CCSER1: variants seen among roughly 807,000 people sequenced by gnomAD.
CCSER1 encodes serine-rich coiled-coil domain-containing protein 1.
In CCSER1, 41 loss-of-function variants were observed where a neutral mutation model predicts 82.0. The observed-to-expected ratio is 0.50, with a 90% CI of 0.39 to 0.65. The LOEUF (loss-of-function observed/expected upper bound fraction) is 0.65, where lower values mean the gene tolerates loss of function less well. CCSER1 is among the 30% of genes least tolerant of loss of function. CCSER1 has a pLI of 0.00. For synonymous variants in CCSER1, 414 were observed against 383.9 expected (o/e 1.08, Z -0.92); for missense variants, 1,119 against 1,064.2 (o/e 1.05, Z -0.72).
rs117192361 is a variant in CCSER1, at chr4:90,312,477, C to T, written c.1325-386C>T. On this transcript the variant is annotated intron_variant, in intron 2 of 10. Coordinates refer to ENST00000509176, the MANE Select transcript of CCSER1 (RefSeq NM_001145065.2). ...ACTATGTGGAATGTAGATTGTGTTG[C>T]GGGTGGAGAGGCAGATGAGAGTAGG... 1.1e-3 allele frequency among the ~76,000 whole-genome samples: 160 copies of T among 152,000 alleles called. 3 individuals carry two copies. In the East Asian group the frequency reaches 0.027, roughly 26 times the overall value.
chr4:91,423,269 A>G (rs1753782454), intron 10 of CCSER1, among the ~76,000 whole-genome samples: 1 of 151,868 alleles, frequency 6.6e-6, no homozygotes, highest in Non-Finnish European at 1.5e-5. Flanking sequence ...CTACTTAAAA[A>G]AAAAAAAAAA....
At chr4:91,464,604 A>G (rs113059141) in intron 10 of CCSER1, among the ~76,000 whole-genome samples, 1,555 of 152,294 alleles carry the variant, frequency 0.01, 11 homozygotes, top group Middle Eastern at 0.02. Flanking sequence ...GTATTCAGGA[A>G]ATCCATCTCA....
At chr4:90,571,353 G>A (rs982331118) in intron 5 of CCSER1, among the ~76,000 whole-genome samples, 6 of 152,172 alleles carry the variant, frequency 3.9e-5, no homozygotes, top group Admixed American at 1.3e-4. Context: ...TGGTGGATTT[G>A]ATAAAGAACA....
At position 90,505,655 on chromosome 4, in the gene CCSER1, C is replaced by G. The variant is rs1177953389; in HGVS notation, c.1724+37301C>G. 2.6e-5 allele frequency among the ~76,000 whole-genome samples: 4 copies of G among 152,292 alleles called. No homozygotes were observed. In the South Asian group the frequency reaches 6.2e-4, roughly 24 times the overall value. On this transcript the variant is annotated intron_variant, in intron 5 of 10. Transcript: ENST00000509176. Reference sequence around the variant, plus strand: ...GGCATTTTTGAAACTGAGAGTTCATCTTTCTTTCAGACCATACAGAGTAAC... The same window carrying G: ...GGCATTTTTGAAACTGAGAGTTCATGTTTCTTTCAGACCATACAGAGTAAC...
intron 6 of CCSER1, among the ~76,000 whole-genome samples, chr4:90,653,657 A>G (rs1729191488): frequency 6.6e-6 from 1 of 152,082 alleles, no homozygotes; most frequent in African/African-American, 2.4e-5. Context: ...CCTATTTCCT[A>G]TTTTATATAA....
chr4:90,415,835 A>G (rs533137682), intron 4 of CCSER1, among the ~76,000 whole-genome samples: 1 of 152,252 alleles, frequency 6.6e-6, no homozygotes, highest in Non-Finnish European at 1.5e-5. Flanking sequence ...TAAATGAATT[A>G]AAGTTAAAAG....
chr4:91,026,681 T>A (rs1740516412), intron 9 of CCSER1, among the ~76,000 whole-genome samples: 1 of 152,120 alleles, frequency 6.6e-6, no homozygotes, highest in Non-Finnish European at 1.5e-5. Context: ...CTGATTATTC[T>A]TCAATTAAAC....
chr4:90,313,437 A>G (rs1246313371), intron 3 of CCSER1, among the ~76,000 whole-genome samples: 3 of 151,818 alleles, frequency 2.0e-5, no homozygotes, highest in East Asian at 3.9e-4. Context: ...CTCCAGTACC[A>G]CTCTTAGTCC....
At chr4:91,172,003 A>G (rs1157548877) in intron 10 of CCSER1, among the ~76,000 whole-genome samples, 3 of 151,954 alleles carry the variant, frequency 2.0e-5, no homozygotes, top group Non-Finnish European at 4.4e-5. Flanking sequence ...ATATTCAATA[A>G]AAAAAATCCT....
chr4:91,125,320 C>T (rs1561567879), intron 10 of CCSER1, among the ~76,000 whole-genome samples: 1 of 151,598 alleles, frequency 6.6e-6, no homozygotes, highest in Admixed American at 6.6e-5. Flanking sequence ...ATAATTGCTA[C>T]TAAAAACATT....
At chr4:91,541,222 C>T (rs963677839) in intron 10 of CCSER1, among the ~76,000 whole-genome samples, 1 of 152,000 alleles carries the variant, frequency 6.6e-6, no homozygotes, top group African/African-American at 2.4e-5. Context: ...CTATCATTCA[C>T]TACAGTTTTT....
chr4:90,190,926 A>G (rs1399964132), intron 1 of CCSER1, among the ~76,000 whole-genome samples: 3 of 152,118 alleles, frequency 2.0e-5, no homozygotes, highest in Non-Finnish European at 4.4e-5. Context: ...CCAGAAATAT[A>G]AACTTTATAT....
At chr4:91,338,149 T>C (rs190577478) in intron 10 of CCSER1, among the ~76,000 whole-genome samples, 57 of 152,308 alleles carry the variant, frequency 3.7e-4, no homozygotes, top group Middle Eastern at 6.8e-3. Flanking sequence ...CTAGATTGTT[T>C]GTGCACTTTC....
chr4:90,758,466 A>G (rs1580336077), intron 7 of CCSER1, among the ~76,000 whole-genome samples: 1 of 152,276 alleles, frequency 6.6e-6, no homozygotes, highest in East Asian at 1.9e-4. Context: ...AAATACATAA[A>G]TACATGATAG....
rs575185041 is a variant in CCSER1 at position 91,255,904 on chromosome 4, G to A, written c.2217+169910G>A. Among the ~76,000 whole-genome samples, 51 of 152,188 alleles carry A rather than the reference G, an allele frequency of 3.4e-4. 1 individual carries two copies. The South Asian group carries it at 9.7e-3, about 29-fold the overall frequency. ...ATTGTGTTAACTGCACAAATTGTTC[G>A]TAAAGCATGTGTGTTTGAACAATAT... On this transcript the variant is annotated intron_variant, in intron 10 of 10. Transcript: ENST00000509176.
intron 10 of CCSER1, among the ~76,000 whole-genome samples, chr4:91,313,022 A>G (rs994373011): frequency 1.4e-4 from 21 of 151,938 alleles, no homozygotes; most frequent in African/African-American, 4.6e-4. Flanking sequence ...TGAAAAATGT[A>G]TACCTTTCCT....
chr4:90,599,917 G>C (rs1184763394), intron 5 of CCSER1, among the ~76,000 whole-genome samples: 1 of 152,128 alleles, frequency 6.6e-6, no homozygotes, highest in Non-Finnish European at 1.5e-5. Context: ...TTAGTTTTCT[G>C]TCACTAAACA....
chr4:90,666,469 G>A (rs1456119829), intron 6 of CCSER1, among the ~76,000 whole-genome samples: 2 of 152,132 alleles, frequency 1.3e-5, no homozygotes, highest in African/African-American at 4.8e-5. Flanking sequence ...GCCAAAAATG[G>A]TTGTGGTGAA....
At chr4:90,590,678 C>T (rs922410340) in intron 5 of CCSER1, among the ~76,000 whole-genome samples, 1 of 151,946 alleles carries the variant, frequency 6.6e-6, no homozygotes, top group African/African-American at 2.4e-5. Flanking sequence ...GGTACCAGTA[C>T]CATGCTGTTT....
Sources: allele counts gnomAD v4.1 joint callset (sites outside exome capture counted in the v4.1 genomes callset), GRCh38; gene constraint gnomAD v4.1.1; transcripts MANE v1.5; gene names NCBI Gene and HGNC (gene_info 2026-07-23, HGNC 2026-07-21).